The following RNF150 variants were observed in gnomAD, a reference collection of about 807,000 sequenced individuals.
The protein encoded by RNF150 is ring finger protein 150.
Under a neutral mutation model 39.3 loss-of-function variants are expected in RNF150, and 24 were observed. The observed-to-expected ratio is 0.61, with a 90% CI of 0.44 to 0.86. The LOEUF is 0.86. RNF150 is among the 40% of genes least tolerant of loss of function. The probability of loss-of-function intolerance (pLI) is 0.00; values close to 1 mark genes in which losing one functional copy is unlikely to be tolerated. For synonymous variants in RNF150, 255 were observed against 227.3 expected (o/e 1.12, Z -1.10); for missense variants, 502 against 587.8 (o/e 0.85, Z 1.51).
At chr4:141,186,215 T>C (rs1166470772) in intron 1 of RNF150, among the ~76,000 whole-genome samples, 2 of 152,218 alleles carry the variant, frequency 1.3e-5, no homozygotes, top group Non-Finnish European at 2.9e-5. Flanking sequence ...CAGAACTTGC[T>C]ACTGGTGTAT....
chr4:141,127,394 A>T (rs1560751661), intron 1 of RNF150, among the ~76,000 whole-genome samples: 1 of 152,258 alleles, frequency 6.6e-6, no homozygotes, highest in Admixed American at 6.5e-5. Context: ...GAAAATGTAC[A>T]GCAAAAGTAC....
chr4:140,900,002 G>GTC (rs1553989676), intron 6 of RNF150, among the ~76,000 whole-genome samples: 6,986 of 144,120 alleles, frequency 0.048, 307 homozygotes, highest in East Asian at 0.095. Flanking sequence ...GTGTGTGTGT[G>GTC]TGTCCCATTT....
intron 1 of RNF150, among the ~76,000 whole-genome samples, chr4:141,146,648 T>C (rs915775009): frequency 3.9e-5 from 6 of 152,198 alleles, no homozygotes; most frequent in Non-Finnish European, 7.3e-5. Flanking sequence ...AGGTTTGTGA[T>C]GAGGTTACTG....
Position 141,100,128 on chromosome 4 carries a change from C to G in RNF150, c.484+32197G>C, listed in dbSNP as rs188937315. On this transcript the variant is annotated intron_variant, in intron 1 of 6. Coordinates refer to ENST00000515673, the MANE Select transcript of RNF150 (RefSeq NM_020724.2). Reference sequence around the variant, plus strand: ...AGGTTAAAATCAACATAATCTAGACCTCAAGGGACTAGGAGTTCCCACTTG... The same window carrying G: ...AGGTTAAAATCAACATAATCTAGACGTCAAGGGACTAGGAGTTCCCACTTG... Among the ~76,000 whole-genome samples the G allele has an allele frequency of 4.6e-5, 7 of 152,234 alleles. No homozygotes were observed. The East Asian group carries it at 1.2e-3, about 25-fold the overall frequency.
At chr4:141,022,462 A>G (rs1735532464) in intron 1 of RNF150, among the ~76,000 whole-genome samples, 2 of 152,192 alleles carry the variant, frequency 1.3e-5, no homozygotes, top group Admixed American at 1.3e-4. Flanking sequence ...AGATGGGAGT[A>G]AGGTGATGCC....
At position 140,922,046 on chromosome 4, in the gene RNF150, T is replaced by G. The variant is rs1201251943; in HGVS notation, c.987+3931A>C. On this transcript the variant is annotated intron_variant, in intron 5 of 6. Transcript: ENST00000515673. Reference sequence around the variant, plus strand: ...GGGCAAAAACTGGAAGCATTCCCTTTGAAAACTGGCACAAGACAGGGATGC... The same window carrying G: ...GGGCAAAAACTGGAAGCATTCCCTTGGAAAACTGGCACAAGACAGGGATGC... Among the ~76,000 whole-genome samples, 12 of 139,794 alleles carry G rather than the reference T, an allele frequency of 8.6e-5. 1 individual carries two copies. Among genetic ancestry groups the G allele is most frequent in the African/African-American group, 3.2e-4 (12 of 37,962 alleles). 91.7% of individuals were successfully genotyped at this position (139,794 alleles called of 152,430 possible). A position where few individuals can be genotyped will look rare whatever the true frequency, so the allele number is the denominator to read the frequency against.
chr4:141,118,219 C>T (rs1251915653), intron 1 of RNF150, among the ~76,000 whole-genome samples: 2 of 152,176 alleles, frequency 1.3e-5, no homozygotes, highest in Admixed American at 1.3e-4. Context: ...TGATAGGCTG[C>T]TTAGACAACA....
At chr4:141,140,699 C>T (rs560376007) in intron 1 of RNF150, among the ~76,000 whole-genome samples, 5 of 152,250 alleles carry the variant, frequency 3.3e-5, no homozygotes, top group South Asian at 2.1e-4. Context: ...CTGACTGAGC[C>T]GGACAGCTGT....
In RNF150 at chr4:141,008,304, C is replaced by G. The variant is rs182208011; in HGVS notation, c.485-40431G>C. 2.6e-5 allele frequency among the ~76,000 whole-genome samples: 4 copies of G among 152,126 alleles called. No individual in the cohort carries two copies. The East Asian group carries it at 7.7e-4, about 29-fold the overall frequency. ...GGTTGGCTTTCTTACTAATTTGTAT[C>G]CATTCTTTAATCTGTATATGTCTTT... On this transcript the variant is annotated intron_variant, in intron 1 of 6. Transcript: ENST00000515673.
At chr4:140,877,315 G>GTT (rs78038613) in intron 6 of RNF150, among the ~76,000 whole-genome samples, 1 of 151,478 alleles carries the variant, frequency 6.6e-6, no homozygotes, top group African/African-American at 2.4e-5. Context: ...GTTGTCAACA[G>GTT]TTTTTTTTTA....
intron 1 of RNF150, among the ~76,000 whole-genome samples, chr4:141,095,065 A>C (rs138397178): frequency 4.6e-5 from 7 of 152,378 alleles, no homozygotes; most frequent in Admixed American, 2.0e-4. Flanking sequence ...GAGCAAATAA[A>C]AAGAATGAAT....
At chr4:140,894,631 C>T (rs17006606) in intron 6 of RNF150, among the ~76,000 whole-genome samples, 2,909 of 152,250 alleles carry the variant, frequency 0.019, 40 homozygotes, top group East Asian at 0.046. Context: ...AACATTTTGC[C>T]AGTGCTTCCC....
intron 1 of RNF150, among the ~76,000 whole-genome samples, chr4:141,063,743 G>A (rs1006093588): frequency 2.6e-5 from 4 of 151,952 alleles, no homozygotes; most frequent in Admixed American, 1.3e-4. Flanking sequence ...CTAGACTCTC[G>A]GGATACAAAA....
At chr4:141,000,235 T>C (rs1359436248) in intron 1 of RNF150, among the ~76,000 whole-genome samples, 1 of 152,174 alleles carries the variant, frequency 6.6e-6, no homozygotes, top group East Asian at 1.9e-4. Flanking sequence ...GGCAAGCCTC[T>C]TCAAGGAATC....
At chr4:141,024,686 A>G (rs1218033214) in intron 1 of RNF150, among the ~76,000 whole-genome samples, 1 of 152,210 alleles carries the variant, frequency 6.6e-6, no homozygotes, top group African/African-American at 2.4e-5. Flanking sequence ...GCAGAGCTAC[A>G]GCAAAGAATG....
chr4:140,930,878 T>G lies in RNF150; in HGVS notation c.891-4805A>C, dbSNP rs563977123. Among the ~76,000 whole-genome samples the G allele has an allele frequency of 1.2e-4, 19 of 152,320 alleles. No homozygotes were observed. The South Asian group carries it at 3.9e-3, about 32-fold the overall frequency. On this transcript the variant is annotated intron_variant, in intron 4 of 6. Transcript: ENST00000515673. ...CAAGGCCCTGCCCTTTAAGGCAGCA[T>G]CACAGTCATTTAGCGATTCACTGTT... is the stretch of plus-strand genomic sequence containing the variant.
At chr4:140,893,253 G>C (rs139180803) in intron 6 of RNF150, among the ~76,000 whole-genome samples, 1,906 of 152,134 alleles carry the variant, frequency 0.013, 16 homozygotes, top group Non-Finnish European at 0.019. Flanking sequence ...TTTCTCAGGG[G>C]TCAGGGGCTT....
At chr4:140,932,874 T>C (rs915087487) in intron 4 of RNF150, among the ~76,000 whole-genome samples, 2 of 152,238 alleles carry the variant, frequency 1.3e-5, no homozygotes, top group Admixed American at 6.5e-5. Context: ...ATGTTTGAGA[T>C]AGTGACTGCT....
chr4:140,984,661 C>T lies in RNF150; in HGVS notation c.485-16788G>A, dbSNP rs574794797. 4.6e-5 allele frequency among the ~76,000 whole-genome samples: 7 copies of T among 152,220 alleles called. No homozygotes were observed. In the South Asian group the frequency reaches 1.5e-3, roughly 32 times the overall value. ...TGCACATTGTCTTGATTTTCAATTGCCAGCACCTGTATTTCTTTGCTTAAG... is the reference window on the plus strand; with the variant it reads ...TGCACATTGTCTTGATTTTCAATTGTCAGCACCTGTATTTCTTTGCTTAAG... On this transcript the variant is annotated intron_variant, in intron 1 of 6. Coordinates refer to ENST00000515673, the MANE Select transcript of RNF150 (RefSeq NM_020724.2).
Sources: allele counts gnomAD v4.1 joint callset (sites outside exome capture counted in the v4.1 genomes callset), GRCh38; gene constraint gnomAD v4.1.1; transcripts MANE v1.5; gene names NCBI Gene and HGNC (gene_info 2026-07-23, HGNC 2026-07-21).